The following CERT1 variants were observed in gnomAD, a reference collection of about 807,000 sequenced individuals.
The protein encoded by CERT1 is ceramide transfer protein.
CERT1 carries 31 observed loss-of-function variants against 87.9 expected under a neutral mutation model. The ratio of observed to expected loss-of-function variants is 0.35; its 90% CI spans 0.27 to 0.48. The LOEUF (loss-of-function observed/expected upper bound fraction) is 0.48, where lower values mean the gene tolerates loss of function less well. Ranked by LOEUF, CERT1 falls within the 20% of genes least tolerant of loss-of-function variation. The pLI is 0.99. For synonymous variants in CERT1, 289 were observed against 250.9 expected (o/e 1.15, Z -1.44); for missense variants, 487 against 758.0 (o/e 0.64, Z 4.20).
intron 17 of CERT1, chr5:75,371,870 G>A (rs1004760039): frequency 6.6e-6 from 1 of 152,132 alleles, no homozygotes; most frequent in Non-Finnish European, 1.5e-5. Flanking sequence ...TAATTGTAGA[G>A]GGTCTAAATG....
At chr5:75,404,081 T>C (rs1434689197) in intron 8 of CERT1, among the ~76,000 whole-genome samples, 41 of 152,030 alleles carry the variant, frequency 2.7e-4, no homozygotes, top group Admixed American at 2.7e-3. Flanking sequence ...ATTGGTGAAA[T>C]CTTCCCAGTT....
At chr5:75,468,926 A>G (rs929184903) in intron 2 of CERT1, among the ~76,000 whole-genome samples, 10 of 152,192 alleles carry the variant, frequency 6.6e-5, no homozygotes, top group Admixed American at 6.5e-4. Flanking sequence ...GGGAAACATG[A>G]CCTTATCAAA....
chr5:75,488,221 A>G (rs970660275), intron 2 of CERT1, among the ~76,000 whole-genome samples: 2 of 152,162 alleles, frequency 1.3e-5, no homozygotes, highest in Non-Finnish European at 2.9e-5. Context: ...TAACACAAAG[A>G]AATGATAAAA....
chr5:75,499,305 G>C (rs1049629415), intron 2 of CERT1, among the ~76,000 whole-genome samples: 5 of 152,104 alleles, frequency 3.3e-5, no homozygotes, highest in Non-Finnish European at 7.4e-5. Flanking sequence ...ATTTGGGAGG[G>C]GCCAGGGGCA....
At chr5:75,427,166 A>G (rs1456795842) in intron 3 of CERT1, among the ~76,000 whole-genome samples, 2 of 152,236 alleles carry the variant, frequency 1.3e-5, no homozygotes, top group African/African-American at 4.8e-5. Context: ...CAGAGCATAA[A>G]TTTTATATCT....
At chr5:75,444,400 T>C (rs1054733522) in intron 3 of CERT1, among the ~76,000 whole-genome samples, 2 of 152,016 alleles carry the variant, frequency 1.3e-5, no homozygotes, top group Non-Finnish European at 2.9e-5. Context: ...AATTGAAGAG[T>C]TGGATCCATT....
downstream of CERT1, chr5:75,376,674 A>T (rs182314905): frequency 6.6e-6 from 1 of 152,330 alleles, no homozygotes; most frequent in Admixed American, 6.5e-5. Flanking sequence ...TTGAAGAGAG[A>T]ATCCCTAAAG....
At chr5:75,476,348 T>C (rs1765954681) in intron 2 of CERT1, among the ~76,000 whole-genome samples, 1 of 152,088 alleles carries the variant, frequency 6.6e-6, no homozygotes. Flanking sequence ...CACCTATCAC[T>C]ATCTATTACC....
chr5:75,500,818 A>G (rs1767328302), intron 2 of CERT1, among the ~76,000 whole-genome samples: 1 of 152,196 alleles, frequency 6.6e-6, no homozygotes, highest in African/African-American at 2.4e-5. Flanking sequence ...GATGATACCC[A>G]ATTTGCTGAA....
downstream of CERT1, chr5:75,375,990 T>C (rs1049595006): frequency 1.3e-5 from 2 of 152,184 alleles, no homozygotes; most frequent in African/African-American, 4.8e-5. Flanking sequence ...TTCAGCTGTA[T>C]CTTTGCACAC....
At chr5:75,497,091 T>C (rs1767106726) in intron 2 of CERT1, among the ~76,000 whole-genome samples, 1 of 152,192 alleles carries the variant, frequency 6.6e-6, no homozygotes, top group East Asian at 1.9e-4. Context: ...AAGAGTTAAC[T>C]ATTTTTTTAG....
intron 3 of CERT1, among the ~76,000 whole-genome samples, chr5:75,437,650 C>T (rs1764149318): frequency 6.6e-6 from 1 of 151,442 alleles, no homozygotes. Flanking sequence ...CCTATTGTCC[C>T]AGCTACTTGG....
intron 2 of CERT1, among the ~76,000 whole-genome samples, chr5:75,478,386 A>G (rs1396434887): frequency 2.6e-5 from 4 of 152,168 alleles, no homozygotes; most frequent in Non-Finnish European, 1.5e-5. Flanking sequence ...ATCAAATTTT[A>G]GATATCTGAA....
chr5:75,457,696 C>A (rs565844189), intron 3 of CERT1, among the ~76,000 whole-genome samples: 1 of 151,850 alleles, frequency 6.6e-6, no homozygotes, highest in Non-Finnish European at 1.5e-5. Flanking sequence ...AAAGCTAATA[C>A]GATTGATAAA....
chr5:75,499,378 C>T (rs902136561), intron 2 of CERT1, among the ~76,000 whole-genome samples: 4 of 152,158 alleles, frequency 2.6e-5, no homozygotes, highest in Middle Eastern at 3.4e-3. Flanking sequence ...TCCCATAATC[C>T]CCATGTGTTG....
intron 3 of CERT1, among the ~76,000 whole-genome samples, chr5:75,453,814 G>C (rs10041470): frequency 0.27 from 19,412 of 72,320 alleles, 1,334 homozygotes; most frequent in South Asian, 0.44. Flanking sequence ...GTTTGCACGC[G>C]TGTATGTATG....
At chr5:75,448,783 A>G (rs895257476) in intron 3 of CERT1, among the ~76,000 whole-genome samples, 3 of 152,196 alleles carry the variant, frequency 2.0e-5, no homozygotes, top group Non-Finnish European at 4.4e-5. Flanking sequence ...TTGTACAGAA[A>G]TAACTTTTGC....
chr5:75,482,721 G>A (rs1015394464), intron 2 of CERT1, among the ~76,000 whole-genome samples: 2 of 152,164 alleles, frequency 1.3e-5, no homozygotes, highest in African/African-American at 4.8e-5. Context: ...GAGGACAAGA[G>A]TTTCCGCCTG....
intron 3 of CERT1, among the ~76,000 whole-genome samples, chr5:75,433,192 T>C (rs553610270): frequency 1.4e-4 from 22 of 152,238 alleles, no homozygotes; most frequent in Admixed American, 3.3e-4. Context: ...ATTGGTACCA[T>C]ATGAATTTTA....
Sources: gnomAD v4.1 joint callset for allele counts (sites outside exome capture counted in the v4.1 genomes callset) on GRCh38, gnomAD v4.1.1 for gene constraint, MANE v1.5 for transcripts, NCBI Gene and HGNC (gene_info 2026-07-23, HGNC 2026-07-21) for gene names.